Variants in KCNK9 observed in about 807,000 individuals in gnomAD.
The protein encoded by KCNK9 is potassium two pore domain channel subfamily K member 9, also known as potassium channel subfamily K member 9.
KCNK9 carries 1 observed loss-of-function variant against 10.8 expected under a neutral mutation model. The ratio of observed to expected loss-of-function variants is 0.09; its 90% CI spans 0.03 to 0.44. The LOEUF is 0.44. Ranked by LOEUF, KCNK9 falls within the 20% of genes least tolerant of loss-of-function variation. The pLI is 0.97. For missense variants in KCNK9, 303 were observed against 515.0 expected (o/e 0.59, Z 3.98); for synonymous variants, 231 against 222.7 (o/e 1.04, Z -0.33).
At chr8:139,633,838 A>G (rs910735386) in intron 1 of KCNK9, among the ~76,000 whole-genome samples, 6 of 152,192 alleles carry the variant, frequency 3.9e-5, no homozygotes, top group Admixed American at 3.3e-4. Context: ...CGTGAAGACG[A>G]CGACACACAA....
chr8:139,647,606 G>A (rs1405582651), intron 1 of KCNK9, among the ~76,000 whole-genome samples: 1 of 152,182 alleles, frequency 6.6e-6, no homozygotes, highest in Non-Finnish European at 1.5e-5. Context: ...CTGGCCAGAT[G>A]GAGGAGGGCA....
rs868526327 is a variant in KCNK9, at chr8:139,618,995, C to T, written c.388G>A (p.Glu130Lys). Residue 130 changes from glutamate to lysine, a missense_variant, in exon 2 of 2, where the codon GAG becomes AAG. Coordinates refer to ENST00000520439, the MANE Select transcript of KCNK9 (RefSeq NM_001282534.2). This position sits in a 1 kb window ranked among gnomAD's most constrained non-coding sequence, Gnocchi z 7.9. ...TAGCGCACGAAGGTGTTCATGCGCT[C>T]GCCCAGGCTCTGGAACATGACCAGT... ...LTLVMFQSLG[E>K]RMNTFVRYLL... 1 of 1,614,174 alleles carries T rather than the reference C, an allele frequency of 6.2e-7. No homozygotes were observed. Among genetic ancestry groups the T allele is most frequent in the Non-Finnish European group, 8.5e-7 (1 of 1,180,030 alleles).
downstream of KCNK9, chr8:139,616,880 A>G (rs886787491): frequency 1.1e-4 from 17 of 149,916 alleles, no homozygotes; most frequent in African/African-American, 4.0e-4. Flanking sequence ...AAGAGCCTCC[A>G]CTGTGCCATA....
intron 1 of KCNK9, among the ~76,000 whole-genome samples, chr8:139,642,008 G>C (rs1815520732): frequency 6.6e-6 from 1 of 152,246 alleles, no homozygotes; most frequent in Non-Finnish European, 1.5e-5. Context: ...CCATAGCCCG[G>C]TGAGGTAGGG....
chr8:139,640,992 G>C (rs1252883233), intron 1 of KCNK9, among the ~76,000 whole-genome samples: 1 of 152,196 alleles, frequency 6.6e-6, no homozygotes, highest in African/African-American at 2.4e-5. Flanking sequence ...ATTTTCATAT[G>C]TGTGTTTCAG....
intron 1 of KCNK9, among the ~76,000 whole-genome samples, chr8:139,679,947 C>T (rs1480623766): frequency 1.3e-5 from 2 of 152,192 alleles, no homozygotes; most frequent in Non-Finnish European, 2.9e-5. Context: ...ACAGCTGGGT[C>T]GCTCAGGAGG....
intron 1 of KCNK9, among the ~76,000 whole-genome samples, chr8:139,633,839 C>T (rs1167588243): frequency 1.3e-5 from 2 of 152,344 alleles, no homozygotes; most frequent in Admixed American, 6.5e-5. Context: ...GTGAAGACGA[C>T]GACACACAAA....
At chr8:139,601,110 G>A (rs78659033) in exon 3 of KCNK9, 3,494 of 152,284 alleles carry the variant, frequency 0.023, 131 homozygotes, top group African/African-American at 0.077. Context: ...AGGTGAGAGA[G>A]TTGCAGACGG....
At chr8:139,640,911 C>A (rs1029416328) in intron 1 of KCNK9, among the ~76,000 whole-genome samples, 4 of 152,244 alleles carry the variant, frequency 2.6e-5, no homozygotes, top group Non-Finnish European at 4.4e-5. Context: ...CCAGGCCCAC[C>A]GGTAGCTCTC....
At chr8:139,667,309 G>A (rs879312544) in intron 1 of KCNK9, among the ~76,000 whole-genome samples, 4 of 151,772 alleles carry the variant, frequency 2.6e-5, no homozygotes, top group Non-Finnish European at 5.9e-5. Context: ...GGAACTGAAT[G>A]GGCTTGTAGC....
chr8:139,624,168 C>T (rs1814889469), intron 1 of KCNK9, among the ~76,000 whole-genome samples: 1 of 152,206 alleles, frequency 6.6e-6, no homozygotes, highest in African/African-American at 2.4e-5. Flanking sequence ...ATCTCCAGAG[C>T]TTCACCGCCT....
chr8:139,630,344 A>G (rs796223492), intron 1 of KCNK9, among the ~76,000 whole-genome samples: 3 of 152,194 alleles, frequency 2.0e-5, no homozygotes, highest in South Asian at 4.1e-4. Flanking sequence ...GTCTGCTCGC[A>G]GGGGCTTGCT....
chr8:139,616,534 G>A (rs570104590), downstream of KCNK9: 3 of 152,324 alleles, frequency 2.0e-5, no homozygotes, highest in South Asian at 6.2e-4. Flanking sequence ...AGTCTTGAAT[G>A]CTCCAGTGTT....
At chr8:139,670,261 G>A (rs917518265) in intron 1 of KCNK9, among the ~76,000 whole-genome samples, 7 of 152,128 alleles carry the variant, frequency 4.6e-5, no homozygotes, top group Non-Finnish European at 8.8e-5. Context: ...AAAGATCATT[G>A]ATCACCATAA....
At chr8:139,668,992 C>T (rs1048723361) in intron 1 of KCNK9, among the ~76,000 whole-genome samples, 5 of 152,196 alleles carry the variant, frequency 3.3e-5, no homozygotes, top group Non-Finnish European at 5.9e-5. Context: ...AAGCCACACA[C>T]ATTTTTTGAT....
At chr8:139,623,769 A>G (rs1225269651) in intron 1 of KCNK9, among the ~76,000 whole-genome samples, 1 of 152,102 alleles carries the variant, frequency 6.6e-6, no homozygotes, top group Non-Finnish European at 1.5e-5. Context: ...CCCTCATCAT[A>G]AAGGGGTCAC....
In KCNK9 at chr8:139,618,186, G is replaced by T; in HGVS notation, c.*72C>A. 2 of 1,562,260 alleles carry T rather than the reference G, an allele frequency of 1.3e-6. No individual in the cohort carries two copies. The highest frequency in any genetic ancestry group is 1.1e-5 in the South Asian group (1 of 88,768). On this transcript the variant is annotated 3_prime_UTR_variant, in exon 2 of 2. Transcript: ENST00000520439. The surrounding 1 kb of genome is among the most constrained non-coding windows in gnomAD (Gnocchi z 7.9). Reference sequence around the variant, plus strand: ...TAATAATAATAAATAAATAAGAAAAGACGAGTTGGACCAATGGAAATTAAC... The same window carrying T: ...TAATAATAATAAATAAATAAGAAAATACGAGTTGGACCAATGGAAATTAAC...
At chr8:139,682,108 G>A (rs575247669) in intron 1 of KCNK9, among the ~76,000 whole-genome samples, 38 of 152,314 alleles carry the variant, frequency 2.5e-4, no homozygotes, top group South Asian at 6.2e-4. Flanking sequence ...GAAGCCCTCC[G>A]AATGGGACCA....
rs572317043 is a variant in KCNK9, at chr8:139,622,000, G to C, written c.284-2901C>G. ...CCCACCCTGACTTCTGTTCCTGCTAGTAAAAATAAGCAGTTTGCCTTCACG... is the reference window on the plus strand; with the variant it reads ...CCCACCCTGACTTCTGTTCCTGCTACTAAAAATAAGCAGTTTGCCTTCACG... On this transcript the variant is annotated intron_variant, in intron 1 of 1. Transcript: ENST00000520439. Among the ~76,000 whole-genome samples the C allele has an allele frequency of 7.2e-4, 110 of 152,318 alleles. 1 individual carries two copies. The Middle Eastern group carries it at 0.01, about 14-fold the overall frequency.
Sources: gnomAD v4.1 joint callset for allele counts (sites outside exome capture counted in the v4.1 genomes callset) on GRCh38, gnomAD v4.1.1 for gene constraint, Gnocchi (gnomAD v3.1) non-coding constraint, MANE v1.5 for transcripts, NCBI Gene and HGNC (gene_info 2026-07-23, HGNC 2026-07-21) for gene names.